ARHGEF16: variants seen among roughly 807,000 people sequenced by gnomAD.
The protein encoded by ARHGEF16 is Rho guanine exchange factor (GEF) 16.
Under a neutral mutation model 74.1 loss-of-function variants are expected in ARHGEF16, and 59 were observed. The ratio of observed to expected loss-of-function variants is 0.80; its 90% CI spans 0.65 to 0.99. The LOEUF is 0.99. ARHGEF16 is among the 50% of genes least tolerant of loss of function. The pLI is 0.00. For synonymous variants in ARHGEF16, 415 were observed against 412.6 expected, an observed-to-expected ratio of 1.01 and a Z score of -0.07; for missense variants, 948 against 986.6, an observed-to-expected ratio of 0.96 and a Z score of 0.52.
chr1:3,467,103 G>A (rs1639567682), intron 3 of ARHGEF16, 65 bp from the exon 4 acceptor site: 1 of 1,484,686 alleles, frequency 6.7e-7, no homozygotes, highest in Non-Finnish European at 9.1e-7. Flanking sequence ...CAGCTGGCGG[G>A]TTGCAGGGAG....
intron 5 of ARHGEF16, 93 bp from the exon 6 acceptor site, chr1:3,469,340 A>G: frequency 8.2e-6 from 12 of 1,468,650 alleles, no homozygotes; most frequent in Non-Finnish European, 1.0e-5. Flanking sequence ...TGCCCCTGCC[A>G]CCCGGGTCAC....
chr1:3,466,955 C>T (rs1420336961), intron 3 of ARHGEF16: 3 of 531,460 alleles, frequency 5.6e-6, no homozygotes, highest in Non-Finnish European at 6.6e-6. Flanking sequence ...TTGGAGGCAC[C>T]CTGAGCCGGG....
chr1:3,477,932 G>C lies in ARHGEF16; in HGVS notation c.1531G>C (p.Val511Leu), dbSNP rs1229247672. Residue 511 changes from valine to leucine, a missense_variant, in exon 11 of 15, where the codon GTG becomes CTG. Coordinates refer to ENST00000378378, the MANE Select transcript of ARHGEF16 (RefSeq NM_014448.4). ...WLLKRGELFL[V>L]EETGLFRKIA... ...GCTGAAGCGCGGAGAGCTGTTCTTA[G>C]TGGAAGAAACCGGACTTTTTCGAAA... The C allele has an allele frequency of 1.9e-5, 31 of 1,612,660 alleles. No individual in the cohort carries two copies. The highest frequency in any genetic ancestry group is 2.5e-5 in the Non-Finnish European group (30 of 1,179,900).
intron 8 of ARHGEF16, chr1:3,473,864 G>C (rs1198312562): frequency 7.7e-6 from 3 of 388,104 alleles, no homozygotes; most frequent in African/African-American, 4.1e-5. Flanking sequence ...AGTCCTCCTA[G>C]ACGTGGTAGC....
At chr1:3,476,834 T>C (rs899597339) in intron 10 of ARHGEF16, among the ~76,000 whole-genome samples, 26 of 144,186 alleles carry the variant, frequency 1.8e-4, no homozygotes, top group African/African-American at 6.2e-4. Flanking sequence ...GGGAGGGGGC[T>C]CCCGGGGTGG....
At chr1:3,469,189 C>A (rs1220581626) in intron 5 of ARHGEF16, among the ~76,000 whole-genome samples, 1 of 152,328 alleles carries the variant, frequency 6.6e-6, no homozygotes, top group East Asian at 1.9e-4. Context: ...CCTTCTCTGA[C>A]AAGGACGGGG....
chr1:3,478,056 C>A (rs1398016401), intron 11 of ARHGEF16, 30 bp downstream of exon 11: 1 of 1,612,152 alleles, frequency 6.2e-7, no homozygotes, highest in Non-Finnish European at 8.5e-7. Context: ...GTGTGGGGAG[C>A]CCCACTCCAT....
At chr1:3,462,831 G>C (rs1390401749) in intron 1 of ARHGEF16, among the ~76,000 whole-genome samples, 1 of 152,228 alleles carries the variant, frequency 6.6e-6, no homozygotes, top group Non-Finnish European at 1.5e-5. Context: ...ACCAGCGCCT[G>C]CCCAGTCCCA....
chr1:3,476,861 TG>T (rs1639891667), intron 10 of ARHGEF16, among the ~76,000 whole-genome samples: 1 of 152,060 alleles, frequency 6.6e-6, no homozygotes, highest in Non-Finnish European at 1.5e-5. Context: ...GCGGGCTGCC[TG>T]GGGCAGGCGT....
At chr1:3,478,744 T>C in intron 12 of ARHGEF16, 132 bp downstream of exon 12, 1 of 1,068,636 alleles carries the variant, frequency 9.4e-7, no homozygotes, top group South Asian at 1.7e-5. Context: ...GGCCCTGCTG[T>C]AGGTGCTGAG....
intron 4 of ARHGEF16, among the ~76,000 whole-genome samples, chr1:3,467,608 G>T (rs1384438325): frequency 6.6e-6 from 1 of 152,214 alleles, no homozygotes; most frequent in Admixed American, 6.5e-5. Context: ...AGGGAGCTGC[G>T]GGCGCCAGGA....
rs749239999 is a variant in ARHGEF16 at position 3,480,628 on chromosome 1, A to G, written c.*41A>G. 38 of 1,590,018 alleles carry G rather than the reference A, an allele frequency of 2.4e-5. No individual in the cohort carries two copies. The highest frequency in any genetic ancestry group is 5.0e-5 in the Admixed American group (3 of 59,538). On this transcript the variant is annotated 3_prime_UTR_variant, in exon 15 of 15. Transcript: ENST00000378378. The stretch of plus-strand genomic sequence containing the variant: ...CCGGCGGCAGCACAGCCTGTCTCCA[A>G]TCAGCAAGTGGTCGTGCCTGGCTCT...
At chr1:3,477,553 A>AG (rs1639920938) in intron 10 of ARHGEF16, among the ~76,000 whole-genome samples, 1 of 150,694 alleles carries the variant, frequency 6.6e-6, no homozygotes. Flanking sequence ...ATTGCCACGG[A>AG]GGGGTGAGGT....
chr1:3,475,874 G>C (rs184232179), intron 9 of ARHGEF16, 96 bp from the exon 10 acceptor site: 116 of 1,261,452 alleles, frequency 9.2e-5, no homozygotes, highest in Non-Finnish European at 1.2e-4. Flanking sequence ...GCAGCCAGAG[G>C]CTGGCTGGGC....
In ARHGEF16 at chr1:3,480,594, C is replaced by T. The variant is rs996811562; in HGVS notation, c.*7C>T. On this transcript the variant is annotated 3_prime_UTR_variant, in exon 15 of 15. Coordinates refer to ENST00000378378, the MANE Select transcript of ARHGEF16 (RefSeq NM_014448.4). ...GGTGGAGACGGACGTGTAGCCCTGG[C>T]GAGGCCAGCCGGCGGCAGCACAGCC... 8.7e-6 allele frequency: 14 copies of T among 1,601,990 alleles called. No individual in the cohort carries two copies. The highest frequency in any genetic ancestry group is 2.2e-5 in the South Asian group (2 of 90,890).
chr1:3,468,674 GC>G, intron 4 of ARHGEF16: 1 of 606,128 alleles, frequency 1.6e-6, no homozygotes, highest in Non-Finnish European at 3.0e-6. Flanking sequence ...GGAGCGGGGG[GC>G]TGACCCAAGG....
Position 3,480,527 on chromosome 1 carries a change from T to G in ARHGEF16, c.2070T>G (p.Arg690=), listed in dbSNP as rs1216442247. Residue 690 remains arginine, a synonymous_variant, in exon 15 of 15, where the codon CGT becomes CGG. Transcript: ENST00000378378. ...ACTTTGCCCGCTTCATCACCAGCCG[T>G]GTGGCCGTGGAGGGCAATGTCCGCA... ...PEDFARFITS[R]VAVEGNVRRM... 6.2e-7 allele frequency: 1 copy of G among 1,612,210 alleles called. No homozygotes were observed. Among genetic ancestry groups the G allele is most frequent in the Non-Finnish European group, 8.5e-7 (1 of 1,179,942 alleles).
chr1:3,467,119 G>A, intron 3 of ARHGEF16, 49 bp from the exon 4 acceptor site: 1 of 1,518,800 alleles, frequency 6.6e-7, no homozygotes, highest in Non-Finnish European at 8.9e-7. Context: ...GGGAGGCGCA[G>A]CCTTTTGCAA....
chr1:3,457,616 C>T (rs1007112808), intron 1 of ARHGEF16, among the ~76,000 whole-genome samples: 1 of 152,236 alleles, frequency 6.6e-6, no homozygotes, highest in Non-Finnish European at 1.5e-5. Context: ...CCCACCCAAC[C>T]AACACTGGGT....
Sources: allele counts gnomAD v4.1 joint callset (sites outside exome capture counted in the v4.1 genomes callset), GRCh38; gene constraint gnomAD v4.1.1; transcripts MANE v1.5; gene names NCBI Gene and HGNC (gene_info 2026-07-23, HGNC 2026-07-21).